SPOCK1: variants seen among roughly 807,000 people sequenced by gnomAD.
SPOCK1 encodes SPARC (osteonectin), cwcv and kazal like domains proteoglycan 1, also known as testican-1.
SPOCK1 carries 23 observed loss-of-function variants against 55.3 expected under a neutral mutation model. That is an observed-to-expected ratio of 0.42 (90% confidence interval 0.30 to 0.59). SPOCK1 has a LOEUF of 0.59. Ranked by LOEUF, SPOCK1 falls within the 20% of genes least tolerant of loss-of-function variation. SPOCK1 has a pLI of 0.22. For missense variants in SPOCK1, 499 were observed against 552.5 expected, an observed-to-expected ratio of 0.90 and a Z score of 0.97; for synonymous variants, 226 against 221.0, an observed-to-expected ratio of 1.02 and a Z score of -0.20.
intron 2 of SPOCK1, among the ~76,000 whole-genome samples, chr5:137,313,170 C>A (rs1264614697): frequency 6.6e-6 from 1 of 152,176 alleles, no homozygotes; most frequent in Non-Finnish European, 1.5e-5. Context: ...GAAATTCCCA[C>A]AGTTAGAGTC....
At chr5:137,498,730 C>G in intron 1 of SPOCK1, 172 bp from the exon 2 acceptor site, 1 of 324,014 alleles carries the variant, frequency 3.1e-6, no homozygotes, top group Admixed American at 5.4e-5. Context: ...ACCCCTCTCA[C>G]GAATGGGGGA....
chr5:137,191,067 C>G (rs1334771374), intron 3 of SPOCK1, among the ~76,000 whole-genome samples: 3 of 152,190 alleles, frequency 2.0e-5, no homozygotes, highest in Non-Finnish European at 4.4e-5. Context: ...CTTCTATTCT[C>G]TTCTCCATTA....
At chr5:137,082,544 T>A (rs1334002745) in intron 5 of SPOCK1, among the ~76,000 whole-genome samples, 2 of 152,176 alleles carry the variant, frequency 1.3e-5, no homozygotes, top group Admixed American at 6.5e-5. Flanking sequence ...GAAGTCCTTG[T>A]GAAGATTTCA....
intron 5 of SPOCK1, among the ~76,000 whole-genome samples, chr5:137,085,803 C>T (rs1377385375): frequency 6.6e-6 from 1 of 152,090 alleles, no homozygotes; most frequent in Non-Finnish European, 1.5e-5. Flanking sequence ...AAACTACTTG[C>T]CAGTTTGATG....
At chr5:137,229,853 C>T (rs1227762679) in intron 3 of SPOCK1, among the ~76,000 whole-genome samples, 5 of 152,100 alleles carry the variant, frequency 3.3e-5, no homozygotes, top group Non-Finnish European at 7.4e-5. Context: ...CAATAGGGTT[C>T]GTACTCCTAT....
chr5:137,170,340 G>C (rs79605141), intron 3 of SPOCK1, among the ~76,000 whole-genome samples: 256 of 152,266 alleles, frequency 1.7e-3, no homozygotes, highest in African/African-American at 6.0e-3. Flanking sequence ...TGTACCTATG[G>C]TGTTCCAGGC....
intron 2 of SPOCK1, among the ~76,000 whole-genome samples, chr5:137,420,324 G>T (rs2149825387): frequency 6.6e-6 from 1 of 152,292 alleles, no homozygotes; most frequent in East Asian, 1.9e-4. Context: ...ATGAGTTAGG[G>T]AGGATTTCCT....
intron 2 of SPOCK1, among the ~76,000 whole-genome samples, chr5:137,425,718 T>A (rs1752594480): frequency 6.6e-6 from 1 of 152,166 alleles, no homozygotes; most frequent in African/African-American, 2.4e-5. Context: ...AGCCACTAAA[T>A]AGCATGGTGC....
rs1015082691 is a variant in SPOCK1 at position 137,246,642 on chromosome 5, G to A, written c.232+20368C>T. 2.0e-5 allele frequency among the ~76,000 whole-genome samples: 3 copies of A among 152,264 alleles called. No individual in the cohort carries two copies. The South Asian group carries it at 6.2e-4, about 32-fold the overall frequency. On this transcript the variant is annotated intron_variant, in intron 3 of 10. Coordinates refer to ENST00000394945, the MANE Select transcript of SPOCK1 (RefSeq NM_004598.4). ...ACTCTAAATTTGATGGCCCTGACAG[G>A]GGTAAGGACAGTGTGGCCTGAGGGG...
At chr5:137,379,810 G>A (rs1751420556) in intron 2 of SPOCK1, among the ~76,000 whole-genome samples, 1 of 152,134 alleles carries the variant, frequency 6.6e-6, no homozygotes, top group African/African-American at 2.4e-5. Context: ...TGTAAGGTGA[G>A]TGGGGCTTAA....
chr5:137,308,388 G>A (rs984357156), intron 2 of SPOCK1, among the ~76,000 whole-genome samples: 2 of 152,230 alleles, frequency 1.3e-5, no homozygotes, highest in Non-Finnish European at 2.9e-5. Flanking sequence ...GCTGCAGCAA[G>A]GCAGCTTTGT....
intron 2 of SPOCK1, among the ~76,000 whole-genome samples, chr5:137,302,032 G>C (rs1374060970): frequency 6.6e-6 from 1 of 152,124 alleles, no homozygotes; most frequent in Non-Finnish European, 1.5e-5. Context: ...ATTGGTTCTT[G>C]AAGAGGCATC....
chr5:136,986,717 C>CAATGGTAGCAATAATAAATA (rs1750849499), intron 8 of SPOCK1, among the ~76,000 whole-genome samples: 1 of 151,468 alleles, frequency 6.6e-6, no homozygotes, highest in African/African-American at 2.4e-5. Context: ...ATTTCAGTTA[C>CAATGGTAGCAATAATAAATA]AATGGTAGCA....
intron 3 of SPOCK1, among the ~76,000 whole-genome samples, chr5:137,186,914 T>C (rs1035317297): frequency 7.9e-5 from 12 of 152,196 alleles, no homozygotes; most frequent in Non-Finnish European, 1.2e-4. Context: ...AACATCTTCA[T>C]CTGGCCTGGC....
chr5:136,986,842 TTTTA>T (rs1362925531), intron 8 of SPOCK1, among the ~76,000 whole-genome samples: 1 of 152,174 alleles, frequency 6.6e-6, no homozygotes, highest in Admixed American at 6.5e-5. Context: ...AGCTATTGAT[TTTTA>T]TTTGATTAAT....
intron 4 of SPOCK1, among the ~76,000 whole-genome samples, chr5:137,115,895 C>A (rs1012082704): frequency 6.6e-6 from 1 of 152,200 alleles, no homozygotes; most frequent in Admixed American, 6.5e-5. Context: ...CCAGTCAAGG[C>A]AAGGGACTAA....
chr5:137,265,132 A>T (rs1283096650), intron 3 of SPOCK1, among the ~76,000 whole-genome samples: 1 of 152,176 alleles, frequency 6.6e-6, no homozygotes, highest in African/African-American at 2.4e-5. Context: ...AGGTTTAAAG[A>T]CGGTGATTTT....
At position 137,289,826 on chromosome 5, in the gene SPOCK1, AAGAC is replaced by A. The variant is rs1333831565; in HGVS notation, c.187-22775_187-22772del. ...AGAACTTATACCAATCAATAAGAAA[AAGAC>A]AGATAATCCAATTAAAAATAAGACA... On this transcript the variant is annotated intron_variant, in intron 2 of 10. Coordinates refer to ENST00000394945, the MANE Select transcript of SPOCK1 (RefSeq NM_004598.4). 7.2e-5 allele frequency among the ~76,000 whole-genome samples: 11 copies of A among 152,236 alleles called. No individual in the cohort carries two copies. The East Asian group carries it at 2.1e-3, about 29-fold the overall frequency.
At chr5:137,056,739 G>A (rs984378526) in intron 6 of SPOCK1, among the ~76,000 whole-genome samples, 22 of 152,076 alleles carry the variant, frequency 1.4e-4, no homozygotes, top group African/African-American at 5.1e-4. Flanking sequence ...TGACTTGGTG[G>A]CAACAGCCAT....
Sources: allele counts gnomAD v4.1 joint callset (sites outside exome capture counted in the v4.1 genomes callset), GRCh38; gene constraint gnomAD v4.1.1; transcripts MANE v1.5; gene names NCBI Gene and HGNC (gene_info 2026-07-23, HGNC 2026-07-21).